Variants in ZSWIM6 observed in about 807,000 individuals in gnomAD.
The protein encoded by ZSWIM6 is zinc finger SWIM domain-containing protein 6.
In ZSWIM6, 9 loss-of-function variants were observed where a neutral mutation model predicts 113.2. The ratio of observed to expected loss-of-function variants is 0.08; its 90% confidence interval spans 0.05 to 0.14. The LOEUF (loss-of-function observed/expected upper bound fraction) is 0.14, where lower values mean the gene tolerates loss of function less well. ZSWIM6 is among the 10% of genes least tolerant of loss of function. The pLI is 1.00. For synonymous variants in ZSWIM6, 611 were observed against 606.5 expected (o/e 1.01, Z -0.11); for missense variants, 1,162 against 1,552.2 (o/e 0.75, Z 4.22).
intron 1 of ZSWIM6, chr5:61,390,590 A>G (rs1249148820): frequency 1.1e-5 from 7 of 613,790 alleles, no homozygotes; most frequent in African/African-American, 5.5e-5. Context: ...TCAGAATGCT[A>G]TCTCAAAAAT....
chr5:61,479,927 TA>T (rs397787456), intron 2 of ZSWIM6, among the ~76,000 whole-genome samples: 1 of 151,884 alleles, frequency 6.6e-6, no homozygotes, highest in African/African-American at 2.4e-5. Context: ...TTTTTTTTTT[TA>T]AGTCTTTTAA....
At chr5:61,409,109 C>T (rs1175451384) in intron 1 of ZSWIM6, among the ~76,000 whole-genome samples, 1 of 132,966 alleles carries the variant, frequency 7.5e-6, no homozygotes, top group African/African-American at 2.8e-5. Flanking sequence ...TTTTTGAAAT[C>T]CAGGCCTCTG....
chr5:61,378,835 C>G lies in ZSWIM6; in HGVS notation c.676+45887C>G, dbSNP rs371583000. Reference sequence around the variant, plus strand: ...CCTCCCAAACTGCTGGGATTACAGGCGTGAGCCACCACACCTGGCTACCCT... The same window carrying G: ...CCTCCCAAACTGCTGGGATTACAGGGGTGAGCCACCACACCTGGCTACCCT... On this transcript the variant is annotated intron_variant, in intron 1 of 13. Transcript: ENST00000252744. Among the ~76,000 whole-genome samples the G allele has an allele frequency of 2.5e-4, 38 of 152,132 alleles. 1 individual carries two copies. The East Asian group carries it at 7.0e-3, about 28-fold the overall frequency.
chr5:61,405,095 T>C (rs1746018818), intron 1 of ZSWIM6, among the ~76,000 whole-genome samples: 1 of 152,232 alleles, frequency 6.6e-6, no homozygotes, highest in South Asian at 2.1e-4. Flanking sequence ...GAGAGACCAG[T>C]TGAACTTAAC....
rs1746345438 is a variant in ZSWIM6, at chr5:61,421,053, G to A, written c.677-51628G>A. ...TCATGTCTCAGTCTCCGAGGTGGCT[G>A]GAATTACCGGCGCACCCTGCTCAGC... On this transcript the variant is annotated intron_variant, in intron 1 of 13. Transcript: ENST00000252744. 1.3e-5 allele frequency among the ~76,000 whole-genome samples: 2 copies of A among 151,862 alleles called. 1 individual carries two copies. The highest frequency in any genetic ancestry group is 4.2e-4 in the South Asian group (2 of 4,808).
intron 4 of ZSWIM6, among the ~76,000 whole-genome samples, chr5:61,500,512 G>T (rs2112228918): frequency 6.6e-6 from 1 of 152,270 alleles, no homozygotes; most frequent in Middle Eastern, 3.4e-3. Context: ...AGCTCACCTA[G>T]TGGGGAATAA....
intron 1 of ZSWIM6, among the ~76,000 whole-genome samples, chr5:61,366,703 G>A (rs1482334142): frequency 2.0e-5 from 3 of 152,140 alleles, no homozygotes; most frequent in Non-Finnish European, 2.9e-5. Context: ...AGGCTGAGGC[G>A]GCAGATGGCT....
chr5:61,334,893 G>A (rs7443689), intron 1 of ZSWIM6, among the ~76,000 whole-genome samples: 5,321 of 143,790 alleles, frequency 0.037, 327 homozygotes, highest in African/African-American at 0.13. Flanking sequence ...AATGTTGAGG[G>A]TTTTTTTTTT....
At chr5:61,505,601 A>ACCCTCCTT (rs1748580408) in intron 4 of ZSWIM6, among the ~76,000 whole-genome samples, 2 of 77,794 alleles carry the variant, frequency 2.6e-5, no homozygotes, top group African/African-American at 5.2e-5. Flanking sequence ...TCTATGATTT[A>ACCCTCCTT]CCTTCCTTCC....
chr5:61,418,346 C>A (rs1256545951), intron 1 of ZSWIM6, among the ~76,000 whole-genome samples: 1 of 152,120 alleles, frequency 6.6e-6, no homozygotes, highest in East Asian at 1.9e-4. Flanking sequence ...TGGCTCACTG[C>A]AACCTCCGCT....
At chr5:61,390,921 A>G (rs1427990140) in intron 1 of ZSWIM6, 1 of 846,272 alleles carries the variant, frequency 1.2e-6, no homozygotes, top group South Asian at 1.3e-5. Flanking sequence ...ATAGTGGACA[A>G]AGGCCCCCAG....
At chr5:61,403,679 C>CATT (rs1745984500) in intron 1 of ZSWIM6, among the ~76,000 whole-genome samples, 1 of 152,212 alleles carries the variant, frequency 6.6e-6, no homozygotes, top group Non-Finnish European at 1.5e-5. Context: ...AGGGAATACA[C>CATT]GCCTGTAAAC....
chr5:61,333,008 G>GGGGCC, intron 1 of ZSWIM6, 60 bp downstream of exon 1: 1 of 498,938 alleles, frequency 2.0e-6, no homozygotes, highest in Non-Finnish European at 2.8e-6. Context: ...GTGGGGGGGG[G>GGGGCC]GTGCCCGCCT....
At chr5:61,480,086 A>G (rs1747814819) in intron 2 of ZSWIM6, among the ~76,000 whole-genome samples, 1 of 152,200 alleles carries the variant, frequency 6.6e-6, no homozygotes, top group Non-Finnish European at 1.5e-5. Flanking sequence ...TCATTAATAC[A>G]TTTATTAGAT....
chr5:61,473,099 A>G (rs372132779), intron 2 of ZSWIM6, 62 bp downstream of exon 2: 3 of 1,066,838 alleles, frequency 2.8e-6, no homozygotes, highest in East Asian at 2.7e-5. Context: ...TATAAATTCA[A>G]TTCTTCTGCA....
At chr5:61,430,363 A>T (rs895989521) in intron 1 of ZSWIM6, among the ~76,000 whole-genome samples, 1 of 152,118 alleles carries the variant, frequency 6.6e-6, no homozygotes, top group African/African-American at 2.4e-5. Context: ...ATTTAGGAAA[A>T]TTTCTCAATT....
chr5:61,408,162 T>TA (rs1234225217), intron 1 of ZSWIM6, among the ~76,000 whole-genome samples: 3 of 152,228 alleles, frequency 2.0e-5, no homozygotes, highest in Admixed American at 6.5e-5. Context: ...TAGAGAACAT[T>TA]ATGTATAGAG....
chr5:61,421,788 T>A (rs560200798), intron 1 of ZSWIM6, among the ~76,000 whole-genome samples: 12 of 152,386 alleles, frequency 7.9e-5, no homozygotes, highest in African/African-American at 2.9e-4. Flanking sequence ...AGTCCATCCA[T>A]GTTCCTGTAA....
rs1313886402 is a variant in ZSWIM6 at position 61,398,922 on chromosome 5, T to G, written c.676+65974T>G. Among the ~76,000 whole-genome samples, 9 of 136,566 alleles carry G rather than the reference T, an allele frequency of 6.6e-5. No individual in the cohort carries two copies. In the South Asian group the frequency reaches 1.5e-3, roughly 23 times the overall value. 89.6% of individuals were successfully genotyped at this position (136,566 alleles called of 152,430 possible). A position where few individuals can be genotyped will look rare whatever the true frequency, so the allele number is the denominator to read the frequency against. On this transcript the variant is annotated intron_variant, in intron 1 of 13. Transcript: ENST00000252744. ...AAGTTGTGTATAGTTGTTTTTTTTT[T>G]TTTTTTTTTTTTTTTTTTGAGACAG... is the stretch of plus-strand genomic sequence containing the variant.
Sources: gnomAD v4.1 joint callset for allele counts (sites outside exome capture counted in the v4.1 genomes callset) on GRCh38, gnomAD v4.1.1 for gene constraint, MANE v1.5 for transcripts, NCBI Gene and HGNC (gene_info 2026-07-23, HGNC 2026-07-21) for gene names.